The following TANC2 variants were observed in gnomAD, a reference collection of about 807,000 sequenced individuals.
TANC2 encodes the protein protein TANC2.
In TANC2, 26 loss-of-function variants were observed where a neutral mutation model predicts 210.5. The observed-to-expected ratio is 0.12, with a 90% confidence interval of 0.09 to 0.17. TANC2 has a LOEUF of 0.17. Among genes scored for constraint, TANC2 ranks in the 10% least tolerant of loss-of-function variants. TANC2 has a pLI of 1.00. For synonymous variants in TANC2, 931 were observed against 967.1 expected (o/e 0.96, Z 0.69); for missense variants, 2,129 against 2,608.9 (o/e 0.82, Z 4.01).
At chr17:63,158,637 G>A (rs537183468) in intron 5 of TANC2, among the ~76,000 whole-genome samples, 1 of 152,272 alleles carries the variant, frequency 6.6e-6, no homozygotes, top group African/African-American at 2.4e-5. Flanking sequence ...TGTAAGACTT[G>A]CAGGAAGTGT....
chr17:63,383,735 A>G (rs893535887), intron 15 of TANC2, among the ~76,000 whole-genome samples: 3 of 152,170 alleles, frequency 2.0e-5, no homozygotes, highest in Non-Finnish European at 4.4e-5. Flanking sequence ...TAGTAGTGCA[A>G]TTACCAGATT....
rs1296905628 is a variant in TANC2 at position 63,081,818 on chromosome 17, G to A, written c.139+7804G>A. Among the ~76,000 whole-genome samples, 8 of 152,102 alleles carry A rather than the reference G, an allele frequency of 5.3e-5. No homozygotes were observed. The East Asian group carries it at 7.7e-4, about 15-fold the overall frequency. ...TAACACTAGAAGCCTTGTAGAAGCC[G>A]CTCCTTGCTTATTCACCTTTATGAT... On this transcript the variant is annotated intron_variant, in intron 3 of 27. Coordinates refer to ENST00000689528, the Ensembl canonical transcript of TANC2.
chr17:62,968,075 A>C (rs1429004789), intron 1 of TANC2, among the ~76,000 whole-genome samples: 4 of 152,238 alleles, frequency 2.6e-5, no homozygotes, highest in Admixed American at 6.5e-5. Flanking sequence ...AACATGCTGC[A>C]AAACATTGTG....
chr17:63,074,201 A>G (rs1006110007), intron 3 of TANC2, among the ~76,000 whole-genome samples, 187 bp downstream of exon 3: 2 of 152,098 alleles, frequency 1.3e-5, no homozygotes, highest in African/African-American at 2.4e-5. Context: ...AAAATTAAAT[A>G]TTGTCTTGTG....
chr17:62,966,292 G>T lies in TANC2; in HGVS notation c.-481G>T, dbSNP rs1220280856. 6.8e-6 allele frequency among the ~76,000 whole-genome samples: 1 copy of T among 146,170 alleles called. No individual in the cohort carries two copies. The highest frequency in any genetic ancestry group is 1.5e-5 in the Non-Finnish European group (1 of 65,786). Reference sequence around the variant, plus strand: ...GTTGCTGGGCGCGCTGCTCCGGCGGGGCCCGCTGGCACAGCCGCCTCGCGC... The same window carrying T: ...GTTGCTGGGCGCGCTGCTCCGGCGGTGCCCGCTGGCACAGCCGCCTCGCGC... On this transcript the variant is annotated 5_prime_UTR_variant, in exon 1 of 28. Coordinates refer to ENST00000689528, the Ensembl canonical transcript of TANC2. This position sits in a 1 kb window ranked among gnomAD's most constrained non-coding sequence, Gnocchi z 5.1.
chr17:62,996,334 C>T lies in TANC2; in HGVS notation c.-23-13203C>T, dbSNP rs143420588. 1.9e-3 allele frequency among the ~76,000 whole-genome samples: 283 copies of T among 152,300 alleles called. 3 individuals carry two copies. The highest frequency in any genetic ancestry group is 5.9e-3 in the African/African-American group (244 of 41,572). ...AGATTAAAAACCTCACTTAGGAGTA[C>T]GCGCCTGTAGCAATAGCGGAGTCTT... is the stretch of plus-strand genomic sequence containing the variant. On this transcript the variant is annotated intron_variant, in intron 1 of 27. Transcript: ENST00000689528.
At chr17:63,208,011 A>G (rs1257871908) in intron 7 of TANC2, among the ~76,000 whole-genome samples, 1 of 152,198 alleles carries the variant, frequency 6.6e-6, no homozygotes, top group African/African-American at 2.4e-5. Context: ...TTTATTAGCC[A>G]ATTAGGTTTC....
intron 2 of TANC2, among the ~76,000 whole-genome samples, chr17:63,053,357 C>T (rs1405358464): frequency 2.0e-5 from 3 of 152,236 alleles, no homozygotes; most frequent in African/African-American, 7.2e-5. Context: ...TGGCTGAATG[C>T]AGTGATCAAT....
chr17:63,307,761 GTTGTTGTTGTT>G (rs1466748084), intron 9 of TANC2, among the ~76,000 whole-genome samples: 1 of 112,028 alleles, frequency 8.9e-6, no homozygotes, highest in Non-Finnish European at 1.6e-5. Context: ...TGTTGCTGTT[GTTGTTGTTGTT>G]TTGTTGTTTT....
At chr17:63,141,898 T>A (rs1449589540) in intron 4 of TANC2, among the ~76,000 whole-genome samples, 1 of 152,198 alleles carries the variant, frequency 6.6e-6, no homozygotes. Flanking sequence ...CGTCTATAGA[T>A]GTAATGTTGG....
chr17:63,007,017 G>A (rs752621374), intron 1 of TANC2, among the ~76,000 whole-genome samples: 1 of 151,998 alleles, frequency 6.6e-6, no homozygotes, highest in Non-Finnish European at 1.5e-5. Flanking sequence ...CTTGAGCCCA[G>A]GAGTTGGAGA....
At chr17:63,136,268 C>T (rs919973761) in intron 4 of TANC2, among the ~76,000 whole-genome samples, 39 of 152,094 alleles carry the variant, frequency 2.6e-4, no homozygotes, top group Non-Finnish European at 2.9e-5. Flanking sequence ...TATGTTGTCT[C>T]CATATTTATT....
chr17:63,376,814 CTT>C (rs771564600), intron 14 of TANC2, among the ~76,000 whole-genome samples: 22 of 125,944 alleles, frequency 1.7e-4, no homozygotes, highest in African/African-American at 2.1e-4. Flanking sequence ...CCACTGTACT[CTT>C]TTTTTTTTTT....
At chr17:63,185,926 T>TG (rs1430429659) in intron 5 of TANC2, among the ~76,000 whole-genome samples, 1 of 152,202 alleles carries the variant, frequency 6.6e-6, no homozygotes, top group Non-Finnish European at 1.5e-5. Context: ...GTGAAAAGAT[T>TG]GACTTTGCCA....
At chr17:63,178,621 A>G (rs1422293799) in intron 5 of TANC2, among the ~76,000 whole-genome samples, 2 of 152,234 alleles carry the variant, frequency 1.3e-5, no homozygotes, top group African/African-American at 4.8e-5. Context: ...GGCCAAACTA[A>G]TCATTGTTTT....
At chr17:63,211,539 G>A (rs2041884789) in intron 7 of TANC2, among the ~76,000 whole-genome samples, 1 of 151,796 alleles carries the variant, frequency 6.6e-6, no homozygotes, top group Non-Finnish European at 1.5e-5. Context: ...GAAGTGTTCT[G>A]TCACCACCAC....
intron 4 of TANC2, among the ~76,000 whole-genome samples, chr17:63,127,371 T>G (rs767382971): frequency 3.9e-4 from 60 of 152,238 alleles, no homozygotes; most frequent in Non-Finnish European, 7.6e-4. Flanking sequence ...TTAATTCTAA[T>G]TATATAATTT....
In TANC2 at chr17:63,418,510, G is replaced by A; in HGVS notation, c.4268+103G>A. The stretch of plus-strand genomic sequence containing the variant: ...GGCATATGTACCCAAATACATCTCT[G>A]TCCTTGAGAACTGTCAGGGCCAAGC... On this transcript the variant is annotated intron_variant, in intron 27 of 27. Coordinates refer to ENST00000689528, the Ensembl canonical transcript of TANC2. The surrounding 1 kb of genome is among the most constrained non-coding windows in gnomAD (Gnocchi z 4.6). The A allele has an allele frequency of 1.0e-6, 1 of 997,980 alleles. No individual in the cohort carries two copies. The highest frequency in any genetic ancestry group is 1.5e-6 in the Non-Finnish European group (1 of 674,006). The allele number at this position is 997,980 out of a possible 1,614,324, so 61.8% of individuals were successfully genotyped here.
At position 63,361,837 on chromosome 17, in the gene TANC2, A is replaced by G. The variant is rs554920870; in HGVS notation, c.2582+6447A>G. Among the ~76,000 whole-genome samples the G allele has an allele frequency of 2.6e-5, 4 of 152,346 alleles. No homozygotes were observed. The East Asian group carries it at 5.8e-4, about 22-fold the overall frequency. Reference sequence around the variant, plus strand: ...GAGAGGAGCTTCATTGAGCAACAGAACAGCTCTCAAGAGATCCAAAGTGGG... The same window carrying G: ...GAGAGGAGCTTCATTGAGCAACAGAGCAGCTCTCAAGAGATCCAAAGTGGG... On this transcript the variant is annotated intron_variant, in intron 14 of 27. Coordinates refer to ENST00000689528, the Ensembl canonical transcript of TANC2.
Sources: allele counts gnomAD v4.1 joint callset (sites outside exome capture counted in the v4.1 genomes callset), GRCh38; gene constraint gnomAD v4.1.1; non-coding constraint Gnocchi (gnomAD v3.1); transcripts MANE v1.5; gene names NCBI Gene and HGNC (gene_info 2026-07-23, HGNC 2026-07-21).